MID1: variants seen among roughly 807,000 people sequenced by gnomAD.
The protein encoded by MID1 is midline 1.
MID1 carries 7 observed loss-of-function variants against 40.4 expected under a neutral mutation model. The ratio of observed to expected loss-of-function variants is 0.17; its 90% CI spans 0.10 to 0.33. The LOEUF is 0.33. Among genes scored for constraint, MID1 ranks in the 10% least tolerant of loss-of-function variants. The probability of loss-of-function intolerance (pLI) is 1.00; values close to 1 mark genes in which losing one functional copy is unlikely to be tolerated. For missense variants in MID1, 367 were observed against 558.5 expected, an observed-to-expected ratio of 0.66 and a Z score of 3.46; for synonymous variants, 229 against 221.2, an observed-to-expected ratio of 1.04 and a Z score of -0.31.
intron 1 of MID1, among the ~76,000 whole-genome samples, chrX:10,640,815 C>T (rs1230364471): frequency 9.0e-6 from 1 of 111,561 alleles, no homozygotes; most frequent in African/African-American, 3.3e-5. Flanking sequence ...AACAAACTGT[C>T]TCTCAGACCA....
chrX:10,486,605 T>C (rs1341617874), intron 4 of MID1, among the ~76,000 whole-genome samples: 2 of 112,155 alleles, frequency 1.8e-5, no homozygotes, highest in Non-Finnish European at 3.8e-5. Context: ...AACTAGTCCT[T>C]GGTCATGTGC....
At chrX:10,791,326 A>C (rs1034986757) in intron 1 of MID1, among the ~76,000 whole-genome samples, 9 of 112,093 alleles carry the variant, frequency 8.0e-5, no homozygotes, top group Admixed American at 5.7e-4. Flanking sequence ...GGCTACAAGG[A>C]GGTCAATACA....
intron 1 of MID1, among the ~76,000 whole-genome samples, chrX:10,617,380 T>C (rs1416202823): frequency 1.8e-5 from 2 of 112,092 alleles, no homozygotes; most frequent in Non-Finnish European, 3.8e-5. Context: ...CAGATGTCCT[T>C]GGGCATTTTA....
At chrX:10,498,265 G>A (rs1236408764) in intron 3 of MID1, among the ~76,000 whole-genome samples, 2 of 111,562 alleles carry the variant, frequency 1.8e-5, no homozygotes, top group Admixed American at 9.5e-5. Flanking sequence ...CATGACTCCC[G>A]GCTAAATTTT....
At position 10,533,598 on chromosome X, in the gene MID1, G is replaced by A. The variant is rs182415958; in HGVS notation, c.661-10411C>T. On this transcript the variant is annotated intron_variant, in intron 2 of 9. Coordinates refer to ENST00000317552, the MANE Select transcript of MID1 (RefSeq NM_000381.4). ...ACTTAACATTTTCAACACCTACTATGGGAGTGTAGGAGGATGCCTCAAATT... is the reference window on the plus strand; with the variant it reads ...ACTTAACATTTTCAACACCTACTATAGGAGTGTAGGAGGATGCCTCAAATT... Among the ~76,000 whole-genome samples the A allele has an allele frequency of 7.7e-3, 850 of 111,080 alleles. 13 individuals carry two copies. The highest frequency in any genetic ancestry group is 0.026 in the African/African-American group (801 of 30,586).
intron 1 of MID1, among the ~76,000 whole-genome samples, chrX:10,727,425 T>C (rs565069498): frequency 6.2e-5 from 7 of 112,923 alleles, no homozygotes; most frequent in African/African-American, 2.2e-4. Flanking sequence ...AGCCTCATCA[T>C]TATGATTTTT....
intron 2 of MID1, among the ~76,000 whole-genome samples, chrX:10,523,826 CT>C (rs1462260219): frequency 8.9e-6 from 1 of 111,848 alleles, no homozygotes; most frequent in African/African-American, 3.2e-5. Context: ...CATGTACAGA[CT>C]TTTTTCTCCT....
intron 1 of MID1, among the ~76,000 whole-genome samples, chrX:10,652,169 C>T (rs1312642286): frequency 9.0e-6 from 1 of 111,434 alleles, no homozygotes; most frequent in African/African-American, 3.3e-5. Context: ...TTCTTCATTT[C>T]ATTTTGTTGA....
At chrX:10,672,815 G>A (rs994588175) in intron 1 of MID1, among the ~76,000 whole-genome samples, 2 of 110,743 alleles carry the variant, frequency 1.8e-5, no homozygotes, top group Non-Finnish European at 3.8e-5. Flanking sequence ...CTCCCAAGTA[G>A]TTGGGACCAC....
chrX:10,778,786 G>C (rs1306868141), intron 1 of MID1, among the ~76,000 whole-genome samples: 2 of 113,405 alleles, frequency 1.8e-5, no homozygotes, highest in Non-Finnish European at 3.7e-5. Context: ...TTCTCCCCTA[G>C]AGCATCCAGA....
chrX:10,531,719 A>C (rs957739387), intron 2 of MID1, among the ~76,000 whole-genome samples: 17 of 112,255 alleles, frequency 1.5e-4, no homozygotes, highest in African/African-American at 4.9e-4. Flanking sequence ...ATTTTAATGG[A>C]GATAAATAGG....
At chrX:10,571,459 C>A (rs1163346290) in intron 1 of MID1, among the ~76,000 whole-genome samples, 1 of 103,822 alleles carries the variant, frequency 9.6e-6, no homozygotes, top group Non-Finnish European at 2.0e-5. Flanking sequence ...TTTAAAATAT[C>A]TTTTTGGAGA....
intron 6 of MID1, among the ~76,000 whole-genome samples, chrX:10,474,110 A>C (rs925735475): frequency 8.9e-6 from 1 of 111,830 alleles, no homozygotes; most frequent in African/African-American, 3.3e-5. Context: ...GCCAAATTCT[A>C]ATTCTGTCAT....
At position 10,812,958 on chromosome X, in the gene MID1, C is replaced by G. The variant is rs769395030; in HGVS notation, c.-187+20596G>C. On this transcript the variant is annotated intron_variant, in intron 1 of 10. Coordinates refer to the MID1 transcript ENST00000380785. ...CTGAAAACCCAGAAACATTTTCAAA[C>G]CTGAATTGGCCTATTCTCGGAGACT... 5.4e-5 allele frequency among the ~76,000 whole-genome samples: 6 copies of G among 111,295 alleles called. No individual in the cohort carries two copies. In the East Asian group the frequency reaches 1.7e-3, roughly 31 times the overall value.
chrX:10,587,510 G>C (rs1935167085), intron 1 of MID1, among the ~76,000 whole-genome samples: 4 of 112,574 alleles, frequency 3.6e-5, no homozygotes, highest in Admixed American at 9.3e-5. Context: ...ATTACTCCAG[G>C]CTGTAGAATC....
chrX:10,685,857 C>G (rs1370339225), intron 1 of MID1, among the ~76,000 whole-genome samples: 1 of 97,634 alleles, frequency 1.0e-5, no homozygotes, highest in African/African-American at 3.8e-5. Flanking sequence ...ACCCCTCGGC[C>G]CCTACACCCC....
chrX:10,565,542 A>AT (rs2147464625), intron 2 of MID1: 1 of 328,464 alleles, frequency 3.0e-6, no homozygotes, highest in Non-Finnish European at 5.9e-6. Context: ...CATGTGATTC[A>AT]TTTTGTTTGC....
intron 7 of MID1, chrX:10,469,285 G>A: frequency 1.2e-6 from 1 of 853,844 alleles, no homozygotes; most frequent in South Asian, 6.1e-5. Flanking sequence ...GTTTCACCAG[G>A]TTGCCCAGGG....
chrX:10,731,456 G>T (rs191896297), intron 1 of MID1, among the ~76,000 whole-genome samples: 193 of 112,103 alleles, frequency 1.7e-3, no homozygotes, highest in African/African-American at 6.0e-3. Context: ...GTCAAGTAAG[G>T]TAGTCAATGA....
Sources: allele counts gnomAD v4.1 joint callset (sites outside exome capture counted in the v4.1 genomes callset), GRCh38; gene constraint gnomAD v4.1.1; transcripts MANE v1.5; gene names NCBI Gene and HGNC (gene_info 2026-07-23, HGNC 2026-07-21).